PARN: variants seen among roughly 807,000 people sequenced by gnomAD.
The protein encoded by PARN is poly(A)-specific ribonuclease.
Under a neutral mutation model 102.8 loss-of-function variants are expected in PARN, and 71 were observed. The observed-to-expected ratio is 0.69, with a 90% CI of 0.57 to 0.84. PARN has a LOEUF of 0.84. Among genes scored for constraint, PARN ranks in the 40% least tolerant of loss-of-function variants. The probability of loss-of-function intolerance (pLI) is 0.00; values close to 1 mark genes in which losing one functional copy is unlikely to be tolerated. For synonymous variants in PARN, 261 were observed against 252.9 expected, an observed-to-expected ratio of 1.03 and a Z score of -0.30; for missense variants, 782 against 760.9, an observed-to-expected ratio of 1.03 and a Z score of -0.33.
intron 23 of PARN, among the ~76,000 whole-genome samples, chr16:14,437,217 T>C (rs1960743049): frequency 6.6e-6 from 1 of 152,166 alleles, no homozygotes; most frequent in Non-Finnish European, 1.5e-5. Flanking sequence ...TATGACCAGA[T>C]GTACAGAGCT....
At chr16:14,558,360 T>C (rs1322664030) in intron 18 of PARN, 4 of 152,246 alleles carry the variant, frequency 2.6e-5, no homozygotes, top group Non-Finnish European at 5.9e-5. Context: ...TTAGTGGGTA[T>C]GGTGGCGAGC....
intron 18 of PARN, among the ~76,000 whole-genome samples, chr16:14,576,436 A>C (rs1969144505): frequency 6.6e-6 from 1 of 152,216 alleles, no homozygotes; most frequent in Non-Finnish European, 1.5e-5. Context: ...ACCTTCCCGA[A>C]AACCTTCATA....
chr16:14,562,472 A>C (rs1299480089), intron 18 of PARN, among the ~76,000 whole-genome samples: 1 of 151,492 alleles, frequency 6.6e-6, no homozygotes. Context: ...AAAAAAAGAA[A>C]AACATAAAAC....
intron 18 of PARN, among the ~76,000 whole-genome samples, chr16:14,577,309 G>C (rs1372860827): frequency 6.6e-6 from 1 of 152,042 alleles, no homozygotes; most frequent in East Asian, 1.9e-4. Flanking sequence ...CAAAAATCAA[G>C]GTTTAATATC....
At chr16:14,621,733 C>T (rs1972312594) in intron 5 of PARN, among the ~76,000 whole-genome samples, 1 of 150,586 alleles carries the variant, frequency 6.6e-6, no homozygotes, top group Non-Finnish European at 1.5e-5. Context: ...ATGGCGTGAA[C>T]ACGGGAGGCA....
intron 18 of PARN, among the ~76,000 whole-genome samples, chr16:14,568,588 CCT>C (rs2151730287): frequency 6.6e-6 from 1 of 151,672 alleles, no homozygotes; most frequent in South Asian, 2.1e-4. Context: ...AGAGCCAGAC[CCT>C]GTCTCAAAAA....
At chr16:14,590,236 A>G (rs1440437625) in intron 13 of PARN, among the ~76,000 whole-genome samples, 1 of 27,492 alleles carries the variant, frequency 3.6e-5, no homozygotes. Context: ...CTCCATCTCA[A>G]AAAAAAAAAA....
intron 18 of PARN, among the ~76,000 whole-genome samples, chr16:14,570,323 A>T (rs1968716733): frequency 1.9e-4 from 1 of 5,142 alleles, no homozygotes; most frequent in East Asian, 1.3e-3. Context: ...CTCTGTCTCA[A>T]AAAAAAAAAA....
intron 21 of PARN, among the ~76,000 whole-genome samples, chr16:14,508,356 C>T (rs904159358): frequency 1.3e-5 from 2 of 151,792 alleles, no homozygotes; most frequent in Non-Finnish European, 1.5e-5. Context: ...AGAGTGAGAC[C>T]CCCTCATCTC....
chr16:14,495,497 C>T (rs1293722940), intron 21 of PARN, among the ~76,000 whole-genome samples: 3 of 152,166 alleles, frequency 2.0e-5, no homozygotes, highest in Non-Finnish European at 4.4e-5. Flanking sequence ...GGTCAGAGTA[C>T]TGAGCACTCA....
chr16:14,547,020 G>A (rs1966989575), intron 21 of PARN, among the ~76,000 whole-genome samples: 1 of 151,660 alleles, frequency 6.6e-6, no homozygotes, highest in Non-Finnish European at 1.5e-5. Flanking sequence ...TTGAACCTAG[G>A]AGGCAGAAGT....
chr16:14,538,486 G>T (rs934641162), intron 21 of PARN, among the ~76,000 whole-genome samples: 5 of 152,148 alleles, frequency 3.3e-5, no homozygotes, highest in African/African-American at 1.2e-4. Flanking sequence ...CTCCCAAAGT[G>T]CTGGGATTAC....
chr16:14,626,760 C>T (rs1233512687), intron 5 of PARN, among the ~76,000 whole-genome samples: 1 of 151,796 alleles, frequency 6.6e-6, no homozygotes, highest in Non-Finnish European at 1.5e-5. Flanking sequence ...TTACAGGCAC[C>T]CATGACCACA....
chr16:14,466,651 C>T (rs1251448373), intron 22 of PARN, among the ~76,000 whole-genome samples: 1 of 152,218 alleles, frequency 6.6e-6, no homozygotes, highest in East Asian at 1.9e-4. Context: ...CATTACATTT[C>T]TTCAAAAATG....
rs745406192 is a variant in PARN at position 14,446,868 on chromosome 16, C to T, written c.1864+20G>A. 8.8e-6 allele frequency: 14 copies of T among 1,586,344 alleles called. No individual in the cohort carries two copies. Among genetic ancestry groups the T allele is most frequent in the South Asian group, 6.8e-5 (6 of 88,018 alleles). ...TAAATAGTCCACGGCCCCAGAACTT[C>T]GGCAAGATCCAATACAAACCTGCTG... On this transcript the variant is annotated intron_variant, in intron 23 of 23. Coordinates refer to ENST00000437198, the MANE Select transcript of PARN (RefSeq NM_002582.4).
chr16:14,512,380 G>GTCC (rs1965236540), intron 21 of PARN, among the ~76,000 whole-genome samples: 1 of 152,092 alleles, frequency 6.6e-6, no homozygotes, highest in Non-Finnish European at 1.5e-5. Flanking sequence ...GTGCACGCCT[G>GTCC]TAGTCCCGAG....
chr16:14,471,172 C>T (rs1211400942), intron 22 of PARN, among the ~76,000 whole-genome samples: 5 of 152,216 alleles, frequency 3.3e-5, no homozygotes, highest in Admixed American at 3.3e-4. Flanking sequence ...CACACTCTCA[C>T]TCGATTAAAG....
intron 18 of PARN, among the ~76,000 whole-genome samples, chr16:14,578,266 T>A (rs953452678): frequency 3.7e-5 from 5 of 134,974 alleles, no homozygotes; most frequent in Non-Finnish European, 4.6e-5. Context: ...GAGGTGGAGG[T>A]TGCAGTGAGC....
intron 11 of PARN, among the ~76,000 whole-genome samples, chr16:14,601,516 G>C (rs1970864150): frequency 6.6e-6 from 1 of 152,224 alleles, no homozygotes; most frequent in African/African-American, 2.4e-5. Flanking sequence ...GAATTCTGGA[G>C]ATGGATGGTG....
Sources: allele counts gnomAD v4.1 joint callset (sites outside exome capture counted in the v4.1 genomes callset), GRCh38; gene constraint gnomAD v4.1.1; transcripts MANE v1.5; gene names NCBI Gene and HGNC (gene_info 2026-07-23, HGNC 2026-07-21).